The following ALDH1A1 variants were observed in gnomAD, a reference collection of about 807,000 sequenced individuals.
The protein encoded by ALDH1A1 is aldehyde dehydrogenase 1A1.
A neutral mutation model predicts 62.1 loss-of-function variants in ALDH1A1; 19 were observed. The observed-to-expected ratio is 0.31, with a 90% CI of 0.21 to 0.45. ALDH1A1 has a LOEUF of 0.45. Ranked by LOEUF, ALDH1A1 falls within the 20% of genes least tolerant of loss-of-function variation. The pLI is 1.00. For synonymous variants in ALDH1A1, 231 were observed against 215.9 expected (o/e 1.07, Z -0.61); for missense variants, 521 against 607.1 (o/e 0.86, Z 1.49).
intron 7 of ALDH1A1, among the ~76,000 whole-genome samples, chr9:72,922,131 G>A: frequency 6.6e-6 from 1 of 152,044 alleles, no homozygotes. Flanking sequence ...AGTATGGGAG[G>A]AAAGAGGAAA....
chr9:72,910,481 GAAAACAAA>G (rs1829969149), intron 10 of ALDH1A1, among the ~76,000 whole-genome samples: 1 of 152,058 alleles, frequency 6.6e-6, no homozygotes, highest in Non-Finnish European at 1.5e-5. Context: ...TTGCAGGACA[GAAAACAAA>G]AATCACAATT....
At chr9:72,921,503 C>CTTTTTTTTTTTTTTT (rs11327072) in intron 7 of ALDH1A1, among the ~76,000 whole-genome samples, 5 of 109,500 alleles carry the variant, frequency 4.6e-5, no homozygotes, top group Non-Finnish European at 7.2e-5. Flanking sequence ...ACATTTAATT[C>CTTTTTTTTTTTTTTT]TTTTTTTTTT....
Position 72,920,074 on chromosome 9 carries a change from C to CT in ALDH1A1, c.748-1253dup, listed in dbSNP as rs1048731714. ...TTTGCTTCTTTTATTTTCTAGGTTT[C>CT]TTTTTTTTACTCTGCATGTCAGATT... On this transcript the variant is annotated intron_variant, in intron 7 of 12. Coordinates refer to ENST00000297785, the MANE Select transcript of ALDH1A1 (RefSeq NM_000689.5). Among the ~76,000 whole-genome samples, 9 of 151,612 alleles carry CT rather than the reference C, an allele frequency of 5.9e-5. 1 individual carries two copies. The highest frequency in any genetic ancestry group is 1.2e-4 in the Non-Finnish European group (8 of 67,900).
At chr9:72,910,102 CTA>C (rs1229974508) in intron 10 of ALDH1A1, among the ~76,000 whole-genome samples, 2 of 152,166 alleles carry the variant, frequency 1.3e-5, no homozygotes, top group Non-Finnish European at 2.9e-5. Flanking sequence ...AATTCACTCT[CTA>C]GTTTTTCTTA....
intron 1 of ALDH1A1, among the ~76,000 whole-genome samples, chr9:72,946,208 A>G (rs1022581942): frequency 6.6e-6 from 1 of 152,054 alleles, no homozygotes; most frequent in Non-Finnish European, 1.5e-5. Flanking sequence ...AATTGCTCGC[A>G]TGTAAGCCCT....
intron 1 of ALDH1A1, among the ~76,000 whole-genome samples, chr9:72,951,299 A>G (rs908480106): frequency 3.3e-5 from 5 of 151,774 alleles, no homozygotes; most frequent in African/African-American, 1.2e-4. Context: ...TGTATGTTAG[A>G]TTTTTAGGAC....
chr9:72,930,802 A>T lies in ALDH1A1; in HGVS notation c.312+77T>A. The T allele has an allele frequency of 2.5e-6, 4 of 1,580,674 alleles. No homozygotes were observed. The South Asian group carries it at 3.4e-5, about 13-fold the overall frequency. ...TAGAGAGCATATAGTGATCCCTAAA[A>T]TCAAAACAACTTGCCATTTCAAACG... On this transcript the variant is annotated intron_variant, in intron 3 of 12. Coordinates refer to ENST00000297785, the MANE Select transcript of ALDH1A1 (RefSeq NM_000689.5).
intron 7 of ALDH1A1, 124 bp downstream of exon 7, chr9:72,923,895 A>G: frequency 1.6e-6 from 1 of 607,546 alleles, no homozygotes; most frequent in Non-Finnish European, 2.8e-6. Flanking sequence ...GGCTAAAATA[A>G]GTAACAAATC....
chr9:72,951,016 C>A (rs972582041), intron 1 of ALDH1A1, among the ~76,000 whole-genome samples: 1 of 151,810 alleles, frequency 6.6e-6, no homozygotes, highest in Admixed American at 6.6e-5. Context: ...AACGCTGTAA[C>A]CAATAAATTA....
At chr9:72,928,838 T>C in intron 4 of ALDH1A1, 54 bp downstream of exon 4, 6 of 1,559,344 alleles carry the variant, frequency 3.8e-6, no homozygotes, top group Non-Finnish European at 5.2e-6. Flanking sequence ...TTCAGCTCTA[T>C]AGTAAACTCC....
intron 2 of ALDH1A1, 68 bp from the exon 3 acceptor site, chr9:72,931,087 C>A: frequency 6.3e-7 from 1 of 1,584,360 alleles, no homozygotes; most frequent in Middle Eastern, 1.7e-4. Flanking sequence ...ATGCCAATAA[C>A]CCTGTAAAAT....
At chr9:72,909,844 C>T (rs1829959096) in intron 10 of ALDH1A1, 85 bp from the exon 11 acceptor site, 1 of 1,192,000 alleles carries the variant, frequency 8.4e-7, no homozygotes, top group Non-Finnish European at 1.2e-6. Flanking sequence ...TTCCTACACG[C>T]TATCCTAAAT....
intron 2 of ALDH1A1, among the ~76,000 whole-genome samples, chr9:72,932,976 T>C (rs1395600005): frequency 1.3e-5 from 2 of 152,206 alleles, no homozygotes; most frequent in Non-Finnish European, 2.9e-5. Flanking sequence ...GGCTTCAAGA[T>C]AAGTAACTCT....
chr9:72,950,887 G>A (rs1230089660), intron 1 of ALDH1A1, among the ~76,000 whole-genome samples: 3 of 151,168 alleles, frequency 2.0e-5, no homozygotes, highest in African/African-American at 4.9e-5. Context: ...CCTCTTGCAA[G>A]AGCAAATTCA....
At chr9:72,946,206 G>T (rs549745692) in intron 1 of ALDH1A1, among the ~76,000 whole-genome samples, 3 of 152,104 alleles carry the variant, frequency 2.0e-5, no homozygotes, top group Non-Finnish European at 2.9e-5. Flanking sequence ...AGAATTGCTC[G>T]CATGTAAGCC....
intron 12 of ALDH1A1, 108 bp from the exon 13 acceptor site, chr9:72,901,388 A>G (rs2118466339): frequency 1.4e-6 from 1 of 695,760 alleles, no homozygotes; most frequent in East Asian, 2.6e-5. Flanking sequence ...GCTAGGGACA[A>G]TAGAAAATAT....
At position 72,912,262 on chromosome 9, in the gene ALDH1A1, T is replaced by C. The variant is rs545386452; in HGVS notation, c.1036-140A>G. The C allele has an allele frequency of 4.6e-6, 3 of 647,452 alleles. No individual in the cohort carries two copies. The South Asian group carries it at 6.3e-5, about 14-fold the overall frequency. 40.1% of individuals were successfully genotyped at this position (647,452 alleles called of 1,614,324 possible). On this transcript the variant is annotated intron_variant, in intron 9 of 12. Coordinates refer to ENST00000297785, the MANE Select transcript of ALDH1A1 (RefSeq NM_000689.5). ...ATTGAATCGAAACAGCTAACAGAGGTTCAGATTCATTCTTTGGATATATTT... is the reference window on the plus strand; with the variant it reads ...ATTGAATCGAAACAGCTAACAGAGGCTCAGATTCATTCTTTGGATATATTT...
chr9:72,947,212 G>C (rs1020869852), intron 1 of ALDH1A1, among the ~76,000 whole-genome samples: 2 of 151,920 alleles, frequency 1.3e-5, no homozygotes, highest in African/African-American at 4.8e-5. Flanking sequence ...ATCAATGATT[G>C]GTTCTGTCAC....
At chr9:72,952,107 T>C (rs988461390) in intron 1 of ALDH1A1, among the ~76,000 whole-genome samples, 4 of 152,014 alleles carry the variant, frequency 2.6e-5, no homozygotes, top group African/African-American at 9.7e-5. Context: ...TTTCTTACCA[T>C]ACTTTCTGCA....
Sources: gnomAD v4.1 joint callset for allele counts (sites outside exome capture counted in the v4.1 genomes callset) on GRCh38, gnomAD v4.1.1 for gene constraint, MANE v1.5 for transcripts, NCBI Gene and HGNC (gene_info 2026-07-23, HGNC 2026-07-21) for gene names.